The following MACROD2 variants were observed in gnomAD, a reference collection of about 807,000 sequenced individuals.
The protein encoded by MACROD2 is mono-ADP ribosylhydrolase 2.
Under a neutral mutation model 70.4 loss-of-function variants are expected in MACROD2, and 36 were observed. The ratio of observed to expected loss-of-function variants is 0.51; its 90% CI spans 0.39 to 0.68. MACROD2 has a LOEUF of 0.68. MACROD2 is among the 30% of genes least tolerant of loss of function. The pLI is 0.00. For synonymous variants in MACROD2, 172 were observed against 178.8 expected, an observed-to-expected ratio of 0.96 and a Z score of 0.30; for missense variants, 496 against 538.4, an observed-to-expected ratio of 0.92 and a Z score of 0.78.
chr20:15,510,724 G>T (rs984745242), intron 8 of MACROD2, among the ~76,000 whole-genome samples: 1 of 152,308 alleles, frequency 6.6e-6, no homozygotes, highest in South Asian at 2.1e-4. Flanking sequence ...ATGGCTCAAT[G>T]GAAAACATAC....
At position 15,588,842 on chromosome 20, in the gene MACROD2, C is replaced by G. The variant is rs1379834595; in HGVS notation, c.645+88995C>G. 2.0e-5 allele frequency among the ~76,000 whole-genome samples: 3 copies of G among 152,170 alleles called. No homozygotes were observed. In the East Asian group the frequency reaches 5.8e-4, roughly 29 times the overall value. On this transcript the variant is annotated intron_variant, in intron 8 of 17. Transcript: ENST00000684519. Reference sequence around the variant, plus strand: ...CCATTCAACAAATCTCTAGGAGGTTCCAAACTTTCCCACATTTTTGTGTCT... The same window carrying G: ...CCATTCAACAAATCTCTAGGAGGTTGCAAACTTTCCCACATTTTTGTGTCT...
At chr20:15,159,480 T>A (rs910761181) in intron 5 of MACROD2, among the ~76,000 whole-genome samples, 1 of 152,134 alleles carries the variant, frequency 6.6e-6, no homozygotes, top group African/African-American at 2.4e-5. Flanking sequence ...TGAAATATAC[T>A]CTTTGACAGA....
chr20:14,092,008 C>A (rs1292247349), intron 3 of MACROD2, among the ~76,000 whole-genome samples: 1 of 152,040 alleles, frequency 6.6e-6, no homozygotes, highest in Non-Finnish European at 1.5e-5. Flanking sequence ...TTGTAAGAAA[C>A]TGCTAAACTG....
At chr20:14,271,505 G>A (rs569870279) in intron 3 of MACROD2, among the ~76,000 whole-genome samples, 107 of 152,172 alleles carry the variant, frequency 7.0e-4, no homozygotes, top group South Asian at 2.7e-3. Context: ...CATCACCATC[G>A]TCAAAGAGCA....
chr20:15,871,788 G>C (rs1175889974), intron 9 of MACROD2, among the ~76,000 whole-genome samples: 1 of 152,154 alleles, frequency 6.6e-6, no homozygotes, highest in Non-Finnish European at 1.5e-5. Context: ...TATCCAGTTT[G>C]TGAAGCCCTG....
At chr20:15,546,911 T>C (rs568060912) in intron 8 of MACROD2, among the ~76,000 whole-genome samples, 1 of 152,184 alleles carries the variant, frequency 6.6e-6, no homozygotes, top group Admixed American at 6.5e-5. Flanking sequence ...TCAAAAGGAA[T>C]CCCCTTTTCC....
intron 5 of MACROD2, among the ~76,000 whole-genome samples, chr20:14,846,988 GAA>G (rs1397753172): frequency 6.6e-6 from 1 of 151,680 alleles, no homozygotes; most frequent in Admixed American, 6.6e-5. Flanking sequence ...TCAGTTTATA[GAA>G]AATAAAGAAA....
chr20:14,450,838 A>T (rs1281112238), intron 3 of MACROD2, among the ~76,000 whole-genome samples: 1 of 152,092 alleles, frequency 6.6e-6, no homozygotes, highest in African/African-American at 2.4e-5. Context: ...ATGAAATAGG[A>T]TTATAAGCAG....
At chr20:14,715,469 G>A (rs754476027) in intron 5 of MACROD2, among the ~76,000 whole-genome samples, 1 of 152,176 alleles carries the variant, frequency 6.6e-6, no homozygotes, top group Non-Finnish European at 1.5e-5. Context: ...GTGTTACATA[G>A]TATTGGAATT....
chr20:14,011,035 A>G (rs1039122954), intron 2 of MACROD2, among the ~76,000 whole-genome samples: 6 of 152,126 alleles, frequency 3.9e-5, no homozygotes, highest in African/African-American at 4.8e-5. Context: ...AGTCTTTTCC[A>G]TAGAATACTG....
chr20:14,208,704 T>C (rs1225838934), intron 3 of MACROD2, among the ~76,000 whole-genome samples: 1 of 152,146 alleles, frequency 6.6e-6, no homozygotes, highest in African/African-American at 2.4e-5. Context: ...ATCAATAAAG[T>C]TCCCTGTTTG....
chr20:14,539,876 A>G (rs1228030132), intron 4 of MACROD2, among the ~76,000 whole-genome samples: 1 of 152,176 alleles, frequency 6.6e-6, no homozygotes, highest in South Asian at 2.1e-4. Context: ...AGAGAGGTAG[A>G]TTGGGAGGAA....
At chr20:14,033,085 C>CTTTTTTTTTTTTTTTTTTTTTT (rs11480685) in intron 2 of MACROD2, among the ~76,000 whole-genome samples, 1 of 132,634 alleles carries the variant, frequency 7.5e-6, no homozygotes, top group Non-Finnish European at 1.6e-5. Context: ...CTTGGTTTTT[C>CTTTTTTTTTTTTTTTTTTTTTT]TTTTTTTTTT....
At chr20:14,505,032 G>C (rs188023072) in intron 4 of MACROD2, among the ~76,000 whole-genome samples, 67 of 152,198 alleles carry the variant, frequency 4.4e-4, no homozygotes, top group African/African-American at 1.5e-3. Flanking sequence ...GTTTAAAAAT[G>C]TATTCATGTA....
At chr20:15,001,021 G>A (rs1403062988) in intron 5 of MACROD2, among the ~76,000 whole-genome samples, 4 of 152,074 alleles carry the variant, frequency 2.6e-5, no homozygotes, top group African/African-American at 9.7e-5. Context: ...AAGCTGTTGG[G>A]GAATGAGAAG....
At chr20:14,077,294 A>G (rs989726905) in intron 2 of MACROD2, among the ~76,000 whole-genome samples, 1 of 152,196 alleles carries the variant, frequency 6.6e-6, no homozygotes, top group African/African-American at 2.4e-5. Flanking sequence ...GACATAAAGA[A>G]ACTAGATATA....
intron 3 of MACROD2, among the ~76,000 whole-genome samples, chr20:14,408,684 A>G (rs1308202074): frequency 6.6e-6 from 1 of 152,120 alleles, no homozygotes; most frequent in Non-Finnish European, 1.5e-5. Flanking sequence ...GGGCATCTAT[A>G]TTGGTTCATT....
chr20:15,660,036 G>T (rs1041082911), intron 8 of MACROD2, among the ~76,000 whole-genome samples: 1 of 151,894 alleles, frequency 6.6e-6, no homozygotes, highest in Non-Finnish European at 1.5e-5. Flanking sequence ...ATCTAGTTTG[G>T]GTCTTCATTG....
intron 3 of MACROD2, among the ~76,000 whole-genome samples, chr20:14,382,866 A>G (rs1406230868): frequency 6.6e-6 from 1 of 152,232 alleles, no homozygotes; most frequent in South Asian, 2.1e-4. Context: ...ATGTAGTGCT[A>G]TATTTGTTAT....
Sources: gnomAD v4.1 joint callset for allele counts (sites outside exome capture counted in the v4.1 genomes callset) on GRCh38, gnomAD v4.1.1 for gene constraint, MANE v1.5 for transcripts, NCBI Gene and HGNC (gene_info 2026-07-23, HGNC 2026-07-21) for gene names.